Variants in OR4D1 observed in about 807,000 individuals in gnomAD.
OR4D1 encodes olfactory receptor 4D1.
In OR4D1, 10 loss-of-function variants were observed where a neutral mutation model predicts 14.2. That is an observed-to-expected ratio of 0.71 (90% CI 0.44 to 1.20). The LOEUF is 1.20. Ranked by LOEUF, OR4D1 falls within the 50% of genes most tolerant of loss-of-function variation. The probability of loss-of-function intolerance (pLI) is 0.00; values close to 1 mark genes in which losing one functional copy is unlikely to be tolerated. For missense variants in OR4D1, 345 were observed against 376.6 expected, an observed-to-expected ratio of 0.92 and a Z score of 0.70; for synonymous variants, 141 against 147.4, an observed-to-expected ratio of 0.96 and a Z score of 0.32.
chr17:58,151,462 C>T (rs1047588512), intron 2 of OR4D1, among the ~76,000 whole-genome samples: 7 of 152,086 alleles, frequency 4.6e-5, no homozygotes, highest in Middle Eastern at 3.2e-3. Flanking sequence ...TTTCCCCTCA[C>T]GTGTCCGTGT....
At chr17:58,152,151 C>A (rs1967711341) in intron 2 of OR4D1, among the ~76,000 whole-genome samples, 2 of 152,130 alleles carry the variant, frequency 1.3e-5, no homozygotes, top group African/African-American at 4.8e-5. Context: ...ATTACAGGTG[C>A]TTGCCACCAC....
rs141010594 is a variant in OR4D1 at position 58,159,562 on chromosome 17, G to T, written c.*3476G>T. The T allele has an allele frequency of 1.3e-5, 2 of 152,366 alleles. No individual in the cohort carries two copies. The highest frequency in any genetic ancestry group is 6.5e-5 in the Admixed American group (1 of 15,302). The allele number at this position is 152,366 out of a possible 1,614,324, so 9.4% of individuals were successfully genotyped here. ...CTGTCCAGCCTCCAGAACTGCAAAA[G>T]AATAAATTTCTGTTCTTTACAAATC... is the stretch of plus-strand genomic sequence containing the variant. On this transcript the variant is annotated 3_prime_UTR_variant, in exon 4 of 4. Coordinates refer to ENST00000268912, the MANE Select transcript of OR4D1 (RefSeq NM_001386095.1).
In OR4D1 at chr17:58,157,115, C is replaced by G. The variant is rs1967786673; in HGVS notation, c.*1029C>G. ...CCGAGGCGGCCGCGGAGGAGCGCCG[C>G]GTCAAGGTCTCCAGCCTGCCCTACA... On this transcript the variant is annotated 3_prime_UTR_variant, in exon 4 of 4. Coordinates refer to ENST00000268912, the MANE Select transcript of OR4D1 (RefSeq NM_001386095.1). 9 of 1,472,016 alleles carry G rather than the reference C, an allele frequency of 6.1e-6. No individual in the cohort carries two copies. In the South Asian group the frequency reaches 1.1e-4, roughly 19 times the overall value. The allele number at this position is 1,472,016 out of a possible 1,614,324, so 91.2% of individuals were successfully genotyped here.
rs1458745974 is a variant in OR4D1, at chr17:58,155,751, A to T, written c.598A>T (p.Ile200Phe). Residue 200 changes from isoleucine to phenylalanine, a missense_variant, in exon 4 of 4, where the codon ATC becomes TTC. Transcript: ENST00000268912. ...TACCTCCCTCCTGGAGTTCCTCATG[A>T]TCTCCAACAGTGGGCTGCTAGTTAT... ...TDTSLLEFLM[I>F]SNSGLLVIIW... 6.2e-7 allele frequency: 1 copy of T among 1,613,930 alleles called. No homozygotes were observed. Among genetic ancestry groups the T allele is most frequent in the Non-Finnish European group, 8.5e-7 (1 of 1,179,982 alleles).
intron 2 of OR4D1, among the ~76,000 whole-genome samples, chr17:58,150,863 C>G (rs199973363): frequency 1.3e-5 from 2 of 152,258 alleles, no homozygotes; most frequent in East Asian, 3.9e-4. Flanking sequence ...CCTTGCACAC[C>G]TGCGGTTGTC....
rs1386172913 is a variant in OR4D1 at position 58,157,208 on chromosome 17, C to G, written c.*1122C>G. 32 of 1,463,716 alleles carry G rather than the reference C, an allele frequency of 2.2e-5. No individual in the cohort carries two copies. Among genetic ancestry groups the G allele is most frequent in the Non-Finnish European group, 2.3e-5 (26 of 1,110,106 alleles). The allele number at this position is 1,463,716 out of a possible 1,614,324, so 90.7% of individuals were successfully genotyped here. ...CATCCCCAGTGCCGGCCAAAAGCGC[C>G]TCTTCCGGGGCCACCCTGCGGCTAC... On this transcript the variant is annotated 3_prime_UTR_variant, in exon 4 of 4. Transcript: ENST00000268912.
rs779558731 is a variant in OR4D1, at chr17:58,155,591, A to G, written c.438A>G (p.Val146=). 9 of 1,614,108 alleles carry G rather than the reference A, an allele frequency of 5.6e-6. No homozygotes were observed. Among genetic ancestry groups the G allele is most frequent in the Non-Finnish European group, 7.6e-6 (9 of 1,180,018 alleles). The change falls in exon 4 of 4, where the codon GTA becomes GTG. Residue 146 remains valine, a synonymous_variant. Transcript: ENST00000268912. Reference sequence around the variant, plus strand: ...CTCAATTGTGTGTGGGCCTGGTAGTAGCCGCCTGGGTGGGGGGCTTTGTCC... The same window carrying G: ...CTCAATTGTGTGTGGGCCTGGTAGTGGCCGCCTGGGTGGGGGGCTTTGTCC... ...MNTQLCVGLV[V]AAWVGGFVHS...
At position 58,157,685 on chromosome 17, in the gene OR4D1, C is replaced by T. The variant is rs1597953302; in HGVS notation, c.*1599C>T. On this transcript the variant is annotated 3_prime_UTR_variant, in exon 4 of 4. Transcript: ENST00000268912. ...CAGTCTCCCTTTCCCCATCAGCTCG[C>T]CCCTGCAGGCAGCGTCCATATACGC... is the stretch of plus-strand genomic sequence containing the variant. The T allele has an allele frequency of 6.2e-7, 1 of 1,613,916 alleles. No individual in the cohort carries two copies. Among genetic ancestry groups the T allele is most frequent in the East Asian group, 2.2e-5 (1 of 44,882 alleles).
At chr17:58,153,634 CAG>C (rs1967729101) in intron 2 of OR4D1, among the ~76,000 whole-genome samples, 1 of 152,158 alleles carries the variant, frequency 6.6e-6, no homozygotes, top group African/African-American at 2.4e-5. Context: ...AGGTGGGAAT[CAG>C]GGAAAATAGA....
chr17:58,152,889 T>C (rs552171736), intron 2 of OR4D1, among the ~76,000 whole-genome samples: 31 of 152,266 alleles, frequency 2.0e-4, no homozygotes, highest in Admixed American at 6.5e-4. Flanking sequence ...GAACTGAGAT[T>C]GCACCACTGC....
chr17:58,155,286 A>T lies in OR4D1; in HGVS notation c.133A>T (p.Ile45Phe), dbSNP rs763871995. The change falls in exon 4 of 4, where the codon ATC (isoleucine) becomes TTC (phenylalanine). Residue 45 changes from isoleucine (I) to phenylalanine (F), a missense_variant. Transcript: ENST00000268912. ...YVTTIVGNLL[I>F]MVTVTFDCRL... ...TACCACCATTGTGGGAAACCTCCTT[A>T]TCATGGTCACAGTGACTTTTGACTG... is the stretch of plus-strand genomic sequence containing the variant. The T allele has an allele frequency of 1.2e-6, 2 of 1,614,042 alleles. No homozygotes were observed. Among genetic ancestry groups the T allele is most frequent in the South Asian group, 2.2e-5 (2 of 91,070 alleles).
chr17:58,151,285 G>T (rs993319408), intron 2 of OR4D1, among the ~76,000 whole-genome samples: 3 of 152,082 alleles, frequency 2.0e-5, no homozygotes, highest in Non-Finnish European at 4.4e-5. Context: ...AAGTTCAGGG[G>T]TACATGTGCA....
intron 2 of OR4D1, among the ~76,000 whole-genome samples, chr17:58,150,069 G>A (rs1200479574): frequency 2.6e-5 from 4 of 152,128 alleles, no homozygotes; most frequent in South Asian, 2.1e-4. Flanking sequence ...TGTTTACTAC[G>A]ATGACAATTA....
In OR4D1 at chr17:58,157,124, C is replaced by T; in HGVS notation, c.*1038C>T. ...CCGCGGAGGAGCGCCGCGTCAAGGT[C>T]TCCAGCCTGCCCTACAGTGTGGATG... is the stretch of plus-strand genomic sequence containing the variant. On this transcript the variant is annotated 3_prime_UTR_variant, in exon 4 of 4. Coordinates refer to ENST00000268912, the MANE Select transcript of OR4D1 (RefSeq NM_001386095.1). The T allele has an allele frequency of 2.7e-6, 4 of 1,479,830 alleles. No homozygotes were observed. The highest frequency in any genetic ancestry group is 1.4e-5 in the African/African-American group (1 of 71,632). 91.7% of individuals were successfully genotyped at this position (1,479,830 alleles called of 1,614,324 possible). A position where few individuals can be genotyped will look rare whatever the true frequency, so the allele number is the denominator to read the frequency against.
Position 58,157,685 on chromosome 17 carries a change from C to A in OR4D1, c.*1599C>A. ...CAGTCTCCCTTTCCCCATCAGCTCG[C>A]CCCTGCAGGCAGCGTCCATATACGC... On this transcript the variant is annotated 3_prime_UTR_variant, in exon 4 of 4. Transcript: ENST00000268912. 4 of 1,613,916 alleles carry A rather than the reference C, an allele frequency of 2.5e-6. No homozygotes were observed. The highest frequency in any genetic ancestry group is 1.1e-5 in the South Asian group (1 of 91,066).
At position 58,157,272 on chromosome 17, in the gene OR4D1, C is replaced by T; in HGVS notation, c.*1186C>T. The T allele has an allele frequency of 6.7e-7, 1 of 1,493,906 alleles. No individual in the cohort carries two copies. Among genetic ancestry groups the T allele is most frequent in the Non-Finnish European group, 8.9e-7 (1 of 1,122,560 alleles). The allele number at this position is 1,493,906 out of a possible 1,614,324, so 92.5% of individuals were successfully genotyped here. A position where few individuals can be genotyped will look rare whatever the true frequency, so the allele number is the denominator to read the frequency against. On this transcript the variant is annotated 3_prime_UTR_variant, in exon 4 of 4. Coordinates refer to ENST00000268912, the MANE Select transcript of OR4D1 (RefSeq NM_001386095.1). ...GCACGGCGCTCGGGAAGCGCACAGC[C>T]CCGGGCCGCTGATCAAGCCCTTCGA... is the stretch of plus-strand genomic sequence containing the variant.
Position 58,155,437 on chromosome 17 carries a change from AG to A in OR4D1, c.287del (p.Gly96AlafsTer29), listed in dbSNP as rs1967755702. On this transcript the variant is annotated frameshift_variant, in exon 4 of 4. Transcript: ENST00000268912. LOFTEE classifies it high-confidence loss of function. Reference protein sequence around the residue: ...FLHETKTISYQGCMAQIFFFH... With the variant: ...FLHETKTISYXGCMAQIFFFH... ...CATGAGACCAAGACGATCTCCTACC[AG>A]GGCTGCATGGCCCAGATCTTCTTCT... 6 of 1,614,164 alleles carry A rather than the reference AG, an allele frequency of 3.7e-6. No homozygotes were observed. In the East Asian group the frequency reaches 1.3e-4, roughly 36 times the overall value.
In OR4D1 at chr17:58,155,916, A is replaced by G; in HGVS notation, c.763A>G (p.Ile255Val). 6.2e-7 allele frequency: 1 copy of G among 1,613,972 alleles called. No homozygotes were observed. The highest frequency in any genetic ancestry group is 8.5e-7 in the Non-Finnish European group (1 of 1,180,014). ...GGTGTCCATGATCTTCATTCCCTGT[A>G]TCTATATCTATACCTGGCCCTTCAC... ...IVVSMIFIPC[I>V]YIYTWPFTPF... The change falls in exon 4 of 4, where the codon ATC becomes GTC. Residue 255 changes from isoleucine (I) to valine (V), a missense_variant. Ile to Val is a conservative substitution (Grantham distance 29). Transcript: ENST00000268912.
Position 58,155,127 on chromosome 17 carries a change from C to A in OR4D1, c.-19-8C>A. Reference sequence around the variant, plus strand: ...GTTTGTTTGTTTGTTTCAATGGTTTCTCTGTAGGAACGTGGGGGAAGATCC... The same window carrying A: ...GTTTGTTTGTTTGTTTCAATGGTTTATCTGTAGGAACGTGGGGGAAGATCC... On this transcript the variant is annotated splice_region_variant and splice_polypyrimidine_tract_variant and intron_variant, in intron 3 of 3. Transcript: ENST00000268912. The A allele has an allele frequency of 6.6e-7, 1 of 1,509,902 alleles. No homozygotes were observed. The highest frequency in any genetic ancestry group is 9.1e-7 in the Non-Finnish European group (1 of 1,104,082). The allele number at this position is 1,509,902 out of a possible 1,614,324, so 93.5% of individuals were successfully genotyped here.
Sources: gnomAD v4.1 joint callset for allele counts (sites outside exome capture counted in the v4.1 genomes callset) on GRCh38, gnomAD v4.1.1 for gene constraint, MANE v1.5 for transcripts, NCBI Gene and HGNC (gene_info 2026-07-23, HGNC 2026-07-21) for gene names.